The following GRID1 variants were observed in gnomAD, a reference collection of about 807,000 sequenced individuals.
GRID1 encodes the protein glutamate ionotropic receptor delta type subunit 1, also known as glutamate receptor ionotropic, delta-1.
GRID1 carries 28 observed loss-of-function variants against 98.0 expected under a neutral mutation model. The observed-to-expected ratio is 0.29, with a 90% CI of 0.21 to 0.39. The LOEUF is 0.39. Among genes scored for constraint, GRID1 ranks in the 10% least tolerant of loss-of-function variants. GRID1 has a pLI of 1.00. For missense variants in GRID1, 1,111 were observed against 1,340.5 expected (o/e 0.83, Z 2.67); for synonymous variants, 553 against 538.5 (o/e 1.03, Z -0.37).
chr10:85,920,097 T>C (rs1841681601), intron 4 of GRID1, among the ~76,000 whole-genome samples: 1 of 152,182 alleles, frequency 6.6e-6, no homozygotes, highest in Admixed American at 6.5e-5. Context: ...TCTCAGCTTT[T>C]CAGGATGGAG....
chr10:86,172,889 A>T (rs992748083), intron 3 of GRID1, among the ~76,000 whole-genome samples: 1 of 152,222 alleles, frequency 6.6e-6, no homozygotes, highest in Non-Finnish European at 1.5e-5. Context: ...AAAAAAGGGT[A>T]GTGGGCCTTG....
At chr10:85,904,927 A>G (rs1192777531) in intron 5 of GRID1, among the ~76,000 whole-genome samples, 1 of 152,152 alleles carries the variant, frequency 6.6e-6, no homozygotes, top group Non-Finnish European at 1.5e-5. Context: ...GCAGAAAAAT[A>G]TTAGAAAATA....
In GRID1 at chr10:85,834,139, A is replaced by T. The variant is rs77023365; in HGVS notation, c.1233+20357T>A. Among the ~76,000 whole-genome samples the T allele has an allele frequency of 9.3e-4, 141 of 152,352 alleles. No homozygotes were observed. In the East Asian group the frequency reaches 0.022, roughly 24 times the overall value. On this transcript the variant is annotated intron_variant, in intron 8 of 15. Transcript: ENST00000327946. ...ATGTAAACCTGGAAATTCAAGAAGA[A>T]TTCAAACAAGATAAGCCCAAATAAA...
At chr10:85,882,600 C>T (rs1204989655) in intron 5 of GRID1, among the ~76,000 whole-genome samples, 2 of 152,050 alleles carry the variant, frequency 1.3e-5, no homozygotes, top group African/African-American at 2.4e-5. Context: ...GGAAGGGGAA[C>T]ATCACACTCC....
chr10:85,856,742 C>T (rs1227354916), intron 6 of GRID1, among the ~76,000 whole-genome samples: 1 of 152,210 alleles, frequency 6.6e-6, no homozygotes, highest in Non-Finnish European at 1.5e-5. Flanking sequence ...CATATGGGTG[C>T]TGCCATGTGC....
chr10:86,215,746 G>A (rs1160483210), intron 2 of GRID1, among the ~76,000 whole-genome samples: 2 of 152,152 alleles, frequency 1.3e-5, no homozygotes, highest in African/African-American at 4.8e-5. Context: ...TTGAATGTCT[G>A]TATTCCTCCC....
intron 4 of GRID1, among the ~76,000 whole-genome samples, chr10:85,951,279 A>T (rs993737632): frequency 6.6e-6 from 1 of 152,188 alleles, no homozygotes; most frequent in African/African-American, 2.4e-5. Flanking sequence ...TGAATTAATA[A>T]TTGAATGTGA....
intron 2 of GRID1, among the ~76,000 whole-genome samples, chr10:86,352,388 T>G (rs1410978284): frequency 6.6e-6 from 1 of 152,082 alleles, no homozygotes; most frequent in South Asian, 2.1e-4. Flanking sequence ...CAAAACACCA[T>G]AGACAGGTGG....
intron 8 of GRID1, among the ~76,000 whole-genome samples, chr10:85,831,691 T>C (rs1184395330): frequency 6.6e-6 from 1 of 151,974 alleles, no homozygotes; most frequent in Non-Finnish European, 1.5e-5. Flanking sequence ...GCTTGGAAAA[T>C]AAGCAATATG....
At chr10:86,171,727 G>A (rs1309467397) in intron 3 of GRID1, among the ~76,000 whole-genome samples, 1 of 152,200 alleles carries the variant, frequency 6.6e-6, no homozygotes, top group Non-Finnish European at 1.5e-5. Flanking sequence ...CCATTTAGAA[G>A]CCTTTTAATT....
intron 2 of GRID1, among the ~76,000 whole-genome samples, chr10:86,224,952 G>C (rs2607822): frequency 0.52 from 79,754 of 152,112 alleles, 21,672 homozygotes; most frequent in Non-Finnish European, 0.61. Flanking sequence ...TTGGAATTTA[G>C]GAACCGTGTT....
intron 12 of GRID1, among the ~76,000 whole-genome samples, chr10:85,718,979 T>C (rs1297646082): frequency 6.6e-6 from 1 of 152,230 alleles, no homozygotes; most frequent in African/African-American, 2.4e-5. Flanking sequence ...AGCACCCAAG[T>C]CACCTCTTGA....
chr10:85,778,519 A>G (rs1239787732), intron 8 of GRID1, among the ~76,000 whole-genome samples: 1 of 152,218 alleles, frequency 6.6e-6, no homozygotes, highest in African/African-American at 2.4e-5. Flanking sequence ...TGATAAGCAA[A>G]AAGATACAGT....
At position 85,724,570 on chromosome 10, in the gene GRID1, T is replaced by C. The variant is rs751891364; in HGVS notation, c.1640A>G (p.Lys547Arg). The change falls in exon 11 of 16, where the codon AAG (lysine) becomes AGG (arginine). Residue 547 changes from lysine (K) to arginine (R), a missense_variant. By Grantham distance (26) the Lys-to-Arg change is conservative. Coordinates refer to ENST00000327946, the MANE Select transcript of GRID1 (RefSeq NM_017551.3). ...GAAGATGCTGATTTTCTCCTCGGGC[T>C]TCTTAATTAGAATCCCCACTGAATA... ...MDYSVGILIK[K>R]PEEKISIFSL... 1.2e-6 allele frequency: 2 copies of C among 1,613,584 alleles called. No individual in the cohort carries two copies. Among genetic ancestry groups the C allele is most frequent in the South Asian group, 2.2e-5 (2 of 91,080 alleles).
Position 86,307,549 on chromosome 10 carries a change from G to A in GRID1, c.235+56392C>T, listed in dbSNP as rs139643434. Among the ~76,000 whole-genome samples, 471 of 152,250 alleles carry A rather than the reference G, an allele frequency of 3.1e-3. 1 individual carries two copies. Among genetic ancestry groups the A allele is most frequent in the Non-Finnish European group, 5.2e-3 (352 of 68,012 alleles). On this transcript the variant is annotated intron_variant, in intron 2 of 15. Transcript: ENST00000327946. The stretch of plus-strand genomic sequence containing the variant: ...GCCAGGAGCTGCTGTGGGGGGGAAT[G>A]GGGAGATTTTGGCCAAAAGGTACAA...
At chr10:86,029,132 T>C (rs970071895) in intron 4 of GRID1, among the ~76,000 whole-genome samples, 4 of 152,224 alleles carry the variant, frequency 2.6e-5, no homozygotes, top group Non-Finnish European at 2.9e-5. Flanking sequence ...AAGCTTCTAA[T>C]TGGATTTCTC....
intron 12 of GRID1, among the ~76,000 whole-genome samples, chr10:85,677,566 C>A (rs1841158781): frequency 6.6e-6 from 1 of 152,132 alleles, no homozygotes; most frequent in Non-Finnish European, 1.5e-5. Context: ...TATCTAAAAG[C>A]CAGGGGAAAC....
chr10:85,602,463 G>C lies in GRID1; in HGVS notation c.2840C>G (p.Pro947Arg). Reference sequence around the variant, plus strand: ...CAGCGGCAGCGGCAGGTTGCTGCTGGGCCCTGATGAGAGTGTCCGGCTGGT... The same window carrying C: ...CAGCGGCAGCGGCAGGTTGCTGCTGCGCCCTGATGAGAGTGTCCGGCTGGT... The part of the protein sequence containing the change: ...HGTSRTLSSG[P>R]SSNLPLPLSS... Residue 947 changes from proline (P) to arginine (R), a missense_variant, in exon 16 of 16, where the codon CCC (proline) becomes CGC (arginine). Coordinates refer to ENST00000327946, the MANE Select transcript of GRID1 (RefSeq NM_017551.3). 6.2e-7 allele frequency: 1 copy of C among 1,614,194 alleles called. No individual in the cohort carries two copies. Among genetic ancestry groups the C allele is most frequent in the Admixed American group, 1.7e-5 (1 of 60,034 alleles).
chr10:85,829,802 G>T (rs1842851638), intron 8 of GRID1, among the ~76,000 whole-genome samples: 1 of 152,006 alleles, frequency 6.6e-6, no homozygotes, highest in African/African-American at 2.4e-5. Context: ...AATCCAAGAT[G>T]ACACAAACAA....
Sources: gnomAD v4.1 joint callset for allele counts (sites outside exome capture counted in the v4.1 genomes callset) on GRCh38, gnomAD v4.1.1 for gene constraint, MANE v1.5 for transcripts, NCBI Gene and HGNC (gene_info 2026-07-23, HGNC 2026-07-21) for gene names.